Variants in COL5A1 observed in about 807,000 individuals in gnomAD.
The protein encoded by COL5A1 is collagen type V alpha 1 chain.
In COL5A1, 16 loss-of-function variants were observed where a neutral mutation model predicts 263.7. The observed-to-expected ratio is 0.06, with a 90% confidence interval of 0.04 to 0.09. The LOEUF (loss-of-function observed/expected upper bound fraction) is 0.09. Among genes scored for constraint, COL5A1 ranks in the 10% least tolerant of loss-of-function variants. The pLI is 1.00. For missense variants in COL5A1, 2,036 were observed against 2,540.5 expected (o/e 0.80, Z 4.27); for synonymous variants, 1,012 against 1,004.5 (o/e 1.01, Z -0.14).
chr9:134,796,682 C>T (rs1312626496), intron 35 of COL5A1, among the ~76,000 whole-genome samples, 166 bp from the exon 36 acceptor site: 2 of 152,096 alleles, frequency 1.3e-5, no homozygotes, highest in African/African-American at 4.8e-5. Flanking sequence ...ATCCTGCCCC[C>T]GAGGGTGAGG....
intron 1 of COL5A1, among the ~76,000 whole-genome samples, chr9:134,654,478 GGCTGGAGT>G (rs1831846800): frequency 7.5e-6 from 1 of 132,956 alleles, no homozygotes; most frequent in Non-Finnish European, 1.6e-5. Context: ...AGGTGTGTAG[GGCTGGAGT>G]TGTGTAGAGC....
rs552873740 is a variant in COL5A1, at chr9:134,682,905, G to A, written c.110-8007G>A. Among the ~76,000 whole-genome samples, 2 of 152,358 alleles carry A rather than the reference G, an allele frequency of 1.3e-5. No homozygotes were observed. The highest frequency in any genetic ancestry group is 4.8e-5 in the African/African-American group (2 of 41,588). ...ACAGACAGCCTGGGCTTCAAAGGCA[G>A]CCGACCCATAGCCAGTGCTTAAAGA... On this transcript the variant is annotated intron_variant, in intron 1 of 65. Transcript: ENST00000371817. The surrounding 1 kb of genome is among the most constrained non-coding windows in gnomAD (Gnocchi z 5.1).
intron 2 of COL5A1, among the ~76,000 whole-genome samples, chr9:134,694,884 T>G (rs1438522990): frequency 1.3e-5 from 2 of 152,122 alleles, no homozygotes; most frequent in Non-Finnish European, 2.9e-5. Context: ...GGGCCTGGCT[T>G]CCTCACCAGG....
chr9:134,828,982 C>T (rs1839450533), intron 63 of COL5A1, among the ~76,000 whole-genome samples: 1 of 151,962 alleles, frequency 6.6e-6, no homozygotes, highest in African/African-American at 2.4e-5. Context: ...AGACATACCC[C>T]CCACACCATG....
In COL5A1 at chr9:134,717,928, G is replaced by T. The variant is rs80284950; in HGVS notation, c.655-9338G>T. ...CAGGGATGGGGGATGGGGTTGAAAG[G>T]AGGAGTGCATGATTAAATGGCAGAG... On this transcript the variant is annotated intron_variant, in intron 4 of 65. Coordinates refer to ENST00000371817, the MANE Select transcript of COL5A1 (RefSeq NM_000093.5). 5.3e-3 allele frequency among the ~76,000 whole-genome samples: 802 copies of T among 152,232 alleles called. 32 individuals carry two copies. The East Asian group carries it at 0.093, about 18-fold the overall frequency.
At chr9:134,760,931 GCA>G (rs1417169100) in intron 18 of COL5A1, among the ~76,000 whole-genome samples, 4 of 138,830 alleles carry the variant, frequency 2.9e-5, no homozygotes, top group Non-Finnish European at 6.1e-5. Flanking sequence ...GTACACACAT[GCA>G]CACACATGCA....
rs1201713345 is a variant in COL5A1, at chr9:134,754,849, C to G, written c.1827+523C>G. On this transcript the variant is annotated intron_variant, in intron 16 of 65. Coordinates refer to ENST00000371817, the MANE Select transcript of COL5A1 (RefSeq NM_000093.5). This position sits in a 1 kb window ranked among gnomAD's most constrained non-coding sequence, Gnocchi z 4.3. ...TCCCGAGTGCTGACCACCACCCAGA[C>G]AGGCTGGGGCAGGCCCTGGGAGCCC... 2.6e-5 allele frequency among the ~76,000 whole-genome samples: 4 copies of G among 152,176 alleles called. No homozygotes were observed. The highest frequency in any genetic ancestry group is 2.6e-4 in the Admixed American group (4 of 15,294).
At chr9:134,793,135 G>A (rs940849899) in intron 32 of COL5A1, among the ~76,000 whole-genome samples, 3 of 151,886 alleles carry the variant, frequency 2.0e-5, no homozygotes, top group Admixed American at 6.5e-5. Context: ...TTTGCCCCTC[G>A]GGCCTCGGGC....
intron 11 of COL5A1, among the ~76,000 whole-genome samples, chr9:134,750,148 G>A (rs1835720729): frequency 6.6e-6 from 1 of 152,174 alleles, no homozygotes; most frequent in Non-Finnish European, 1.5e-5. Flanking sequence ...CCTTGAGCCT[G>A]GAGTCTTTGT....
chr9:134,674,310 G>A (rs1489881071), intron 1 of COL5A1, among the ~76,000 whole-genome samples: 2 of 152,136 alleles, frequency 1.3e-5, no homozygotes, highest in African/African-American at 4.8e-5. Flanking sequence ...ATACTGCTTG[G>A]CAACAGAAGG....
chr9:134,796,797 G>A, intron 35 of COL5A1, 51 bp from the exon 36 acceptor site: 1 of 1,561,974 alleles, frequency 6.4e-7, no homozygotes, highest in Non-Finnish European at 8.8e-7. Flanking sequence ...AGCGGCAGGA[G>A]CTGCTCGGGA....
chr9:134,796,311 C>A, intron 34 of COL5A1, 63 bp from the exon 35 acceptor site: 2 of 1,557,672 alleles, frequency 1.3e-6, no homozygotes, highest in Non-Finnish European at 1.8e-6. Context: ...CGTTGTGGGC[C>A]AGAGTCTTTT....
intron 65 of COL5A1, among the ~76,000 whole-genome samples, chr9:134,840,400 C>T (rs181896398): frequency 2.2e-4 from 34 of 152,294 alleles, no homozygotes; most frequent in African/African-American, 5.1e-4. Flanking sequence ...GAGCTTCATT[C>T]CTTCTCACAG....
At chr9:134,654,629 G>A (rs1230064674) in intron 1 of COL5A1, among the ~76,000 whole-genome samples, 1 of 134,658 alleles carries the variant, frequency 7.4e-6, no homozygotes, top group Non-Finnish European at 1.6e-5. Context: ...AGGGCTGGGG[G>A]TGTGTAGGGC....
At position 134,802,792 on chromosome 9, in the gene COL5A1, G is replaced by A. The variant is rs41311216; in HGVS notation, c.3007-96G>A. The A allele has an allele frequency of 0.038, 35,452 of 944,346 alleles. 802 individuals are homozygous for A. The highest frequency in any genetic ancestry group is 0.058 in the South Asian group (4,147 of 71,596). The allele number at this position is 944,346 out of a possible 1,614,324, so 58.5% of individuals were successfully genotyped here. A position where few individuals can be genotyped will look rare whatever the true frequency, so the allele number is the denominator to read the frequency against. ...TGGTGTGCCCGCAGCAGACCTTTGC[G>A]TCCATGACCAGGGCTGTCCTTAGAT... is the stretch of plus-strand genomic sequence containing the variant. On this transcript the variant is annotated intron_variant, in intron 38 of 65. Coordinates refer to ENST00000371817, the MANE Select transcript of COL5A1 (RefSeq NM_000093.5).
chr9:134,656,915 AG>A (rs1409542328), intron 1 of COL5A1, among the ~76,000 whole-genome samples: 3 of 72,404 alleles, frequency 4.1e-5, no homozygotes, highest in South Asian at 6.3e-4. Context: ...GGGACGGGGC[AG>A]GGGGTGCACT....
rs147008954 is a variant in COL5A1, at chr9:134,701,276, C to G, written c.597C>G (p.Ile199Met). 2.7e-4 allele frequency: 438 copies of G among 1,614,002 alleles called. 2 individuals are homozygous for G. The highest frequency in any genetic ancestry group is 1.9e-3 in the African/African-American group (144 of 75,068). ...KFLDRSDHPM[I>M]DINGIIVFGT... ...TCGACCGCAGCGACCACCCCATGATCGACATCAATGGCATCATCGTGTTTG... is the reference window on the plus strand; with the variant it reads ...TCGACCGCAGCGACCACCCCATGATGGACATCAATGGCATCATCGTGTTTG... Residue 199 changes from isoleucine to methionine, a missense_variant, in exon 4 of 66, where the codon ATC becomes ATG. Physicochemically the swap from Ile to Met is conservative, Grantham distance 10. This residue lies in a region of COL5A1 where 600 missense variants were observed against 634.5 expected (regional missense o/e 0.95). Coordinates refer to ENST00000371817, the MANE Select transcript of COL5A1 (RefSeq NM_000093.5).
chr9:134,650,531 G>A (rs1331659084), intron 1 of COL5A1, among the ~76,000 whole-genome samples: 1 of 152,264 alleles, frequency 6.6e-6, no homozygotes, highest in Non-Finnish European at 1.5e-5. Flanking sequence ...GTCTTCCGCT[G>A]CGGCGGGGGA....
rs1418417798 is a variant in COL5A1 at position 134,677,713 on chromosome 9, G to A, written c.110-13199G>A. The stretch of plus-strand genomic sequence containing the variant: ...CCATCCCTCCATCCTTTCTCAGTCC[G>A]GCCATCTTACTCCCTGTTCCTCCTT... On this transcript the variant is annotated intron_variant, in intron 1 of 65. Transcript: ENST00000371817. This position sits in a 1 kb window ranked among gnomAD's most constrained non-coding sequence, Gnocchi z 4.4. 3.9e-5 allele frequency among the ~76,000 whole-genome samples: 6 copies of A among 152,110 alleles called. No homozygotes were observed. Among genetic ancestry groups the A allele is most frequent in the Admixed American group, 2.0e-4 (3 of 15,276 alleles).
Sources: gnomAD v4.1 joint callset for allele counts (sites outside exome capture counted in the v4.1 genomes callset) on GRCh38, gnomAD v4.1.1 for gene constraint, gnomAD v4.1.1 regional missense constraint, Gnocchi (gnomAD v3.1) non-coding constraint, MANE v1.5 for transcripts, NCBI Gene and HGNC (gene_info 2026-07-23, HGNC 2026-07-21) for gene names.